The following GALNT13 variants were observed in gnomAD, a reference collection of about 807,000 sequenced individuals.
GALNT13 encodes the protein UDP-GalNAc:polypeptide N-acetylgalactosaminyltransferase 13.
Under a neutral mutation model 64.2 loss-of-function variants are expected in GALNT13, and 28 were observed. The observed-to-expected ratio is 0.44, with a 90% CI of 0.32 to 0.60. The LOEUF (loss-of-function observed/expected upper bound fraction) is 0.60. Among genes scored for constraint, GALNT13 ranks in the 20% least tolerant of loss-of-function variants. The probability of loss-of-function intolerance (pLI) is 0.05; values close to 1 mark genes in which losing one functional copy is unlikely to be tolerated. For synonymous variants in GALNT13, 214 were observed against 224.6 expected (o/e 0.95, Z 0.42); for missense variants, 577 against 669.8 (o/e 0.86, Z 1.53).
At chr2:153,594,609 T>C in the GALNT13 span, among the ~76,000 whole-genome samples, 1 of 152,134 alleles carries the variant, frequency 6.6e-6, no homozygotes, top group South Asian at 2.1e-4. Flanking sequence ...CTTTCAGTTG[T>C]GATATTTCTT....
intron 4 of GALNT13, among the ~76,000 whole-genome samples, chr2:154,206,811 A>AT (rs1573875533): frequency 6.6e-6 from 1 of 151,740 alleles, no homozygotes; most frequent in East Asian, 1.9e-4. Context: ...AAAAAAAAAA[A>AT]CAGGAAGGGG....
At chr2:154,390,787 A>T (rs1698754944) in intron 9 of GALNT13, among the ~76,000 whole-genome samples, 1 of 152,192 alleles carries the variant, frequency 6.6e-6, no homozygotes, top group Admixed American at 6.5e-5. Context: ...TTTCATTGTC[A>T]AAGCCTTTAC....
the GALNT13 span, among the ~76,000 whole-genome samples, chr2:153,446,026 C>T: frequency 2.0e-5 from 3 of 152,104 alleles, no homozygotes; most frequent in Non-Finnish European, 4.4e-5. Context: ...AACATTATCA[C>T]TACAAACAGC....
intron 3 of GALNT13, among the ~76,000 whole-genome samples, chr2:154,069,373 T>A (rs1200920142): frequency 9.9e-5 from 15 of 151,832 alleles, no homozygotes; most frequent in Admixed American, 9.8e-4. Flanking sequence ...ATTACATAAA[T>A]AAACCCTTAA....
the GALNT13 span, among the ~76,000 whole-genome samples, chr2:153,188,603 A>G: frequency 6.6e-6 from 1 of 152,112 alleles, no homozygotes; most frequent in Non-Finnish European, 1.5e-5. Context: ...TTTTTCTGGT[A>G]TGACTGAGAA....
chr2:154,094,861 T>C (rs1374105315), intron 3 of GALNT13, among the ~76,000 whole-genome samples: 2 of 151,938 alleles, frequency 1.3e-5, no homozygotes, highest in Non-Finnish European at 2.9e-5. Flanking sequence ...CTAATTCATG[T>C]GTTGGATTAA....
chr2:153,881,752 T>C (rs1686800965), intron 1 of GALNT13, among the ~76,000 whole-genome samples: 1 of 152,160 alleles, frequency 6.6e-6, no homozygotes, highest in Non-Finnish European at 1.5e-5. Context: ...TTGCAAATGT[T>C]AATCAGTTTT....
At chr2:154,004,084 G>GAATTATAGACTAATTCT (rs1231117612) in intron 3 of GALNT13, among the ~76,000 whole-genome samples, 3 of 152,014 alleles carry the variant, frequency 2.0e-5, no homozygotes, top group Non-Finnish European at 2.9e-5. Flanking sequence ...GACCTTTAAT[G>GAATTATAGACTAATTCT]AATTATAGAC....
intron 4 of GALNT13, among the ~76,000 whole-genome samples, chr2:154,218,730 T>A (rs1362739978): frequency 6.6e-6 from 1 of 152,074 alleles, no homozygotes. Context: ...TTCAAGCTCC[T>A]CCATAAGTTC....
At chr2:153,617,066 T>G in the GALNT13 span, among the ~76,000 whole-genome samples, 431 of 152,120 alleles carry the variant, frequency 2.8e-3, no homozygotes, top group Non-Finnish European at 4.9e-3. Flanking sequence ...ATCTTTCTCT[T>G]TTCTGATTTC....
chr2:154,394,972 T>C (rs1226274758), intron 9 of GALNT13, among the ~76,000 whole-genome samples: 1 of 152,176 alleles, frequency 6.6e-6, no homozygotes, highest in Non-Finnish European at 1.5e-5. Context: ...AATAGTGGCT[T>C]GGTAATGGCA....
At chr2:154,085,867 C>T (rs1223653534) in intron 3 of GALNT13, among the ~76,000 whole-genome samples, 1 of 151,754 alleles carries the variant, frequency 6.6e-6, no homozygotes, top group African/African-American at 2.4e-5. Flanking sequence ...TTTTCAGGAC[C>T]TTCTTGGACA....
chr2:154,163,061 C>T (rs1480380378), intron 4 of GALNT13, among the ~76,000 whole-genome samples: 2 of 151,064 alleles, frequency 1.3e-5, no homozygotes, highest in Non-Finnish European at 2.9e-5. Context: ...ATACATGTGC[C>T]ATGTTGGTGT....
the GALNT13 span, among the ~76,000 whole-genome samples, chr2:153,145,374 G>A: frequency 1.3e-5 from 2 of 151,922 alleles, no homozygotes; most frequent in Non-Finnish European, 2.9e-5. Flanking sequence ...CTGAAAACAT[G>A]TATAGCCATG....
At chr2:154,414,774 G>A (rs1260829561) in intron 11 of GALNT13, among the ~76,000 whole-genome samples, 2 of 151,584 alleles carry the variant, frequency 1.3e-5, no homozygotes, top group Admixed American at 1.3e-4. Flanking sequence ...ACATTTTTCT[G>A]ACTTTTTGTT....
At chr2:153,682,476 A>G in the GALNT13 span, among the ~76,000 whole-genome samples, 1 of 151,712 alleles carries the variant, frequency 6.6e-6, no homozygotes, top group Non-Finnish European at 1.5e-5. Flanking sequence ...ATTCACGTGC[A>G]TATATCACTC....
the GALNT13 span, among the ~76,000 whole-genome samples, chr2:153,712,435 G>T: frequency 6.6e-6 from 1 of 152,110 alleles, no homozygotes; most frequent in Non-Finnish European, 1.5e-5. Flanking sequence ...TGGAGAGTCA[G>T]TATCAGGATA....
At chr2:154,060,248 T>C (rs1430393198) in intron 3 of GALNT13, among the ~76,000 whole-genome samples, 1 of 152,190 alleles carries the variant, frequency 6.6e-6, no homozygotes, top group Non-Finnish European at 1.5e-5. Context: ...TATGCTACTT[T>C]GTTGTAATAG....
intron 12 of GALNT13, among the ~76,000 whole-genome samples, chr2:154,440,130 C>T (rs1034441922): frequency 1.3e-5 from 2 of 152,038 alleles, no homozygotes; most frequent in African/African-American, 4.8e-5. Flanking sequence ...TTAAATAAAA[C>T]TTGTTCTTCT....
Sources: allele counts gnomAD v4.1 joint callset (sites outside exome capture counted in the v4.1 genomes callset), GRCh38; gene constraint gnomAD v4.1.1; transcripts MANE v1.5; gene names NCBI Gene and HGNC (gene_info 2026-07-23, HGNC 2026-07-21).